KRT34: variants seen among roughly 807,000 people sequenced by gnomAD.
KRT34 encodes the protein keratin 34.
KRT34 carries 31 observed loss-of-function variants against 41.7 expected under a neutral mutation model. That is an observed-to-expected ratio of 0.74 (90% CI 0.56 to 1.00). KRT34 has a LOEUF of 1.00. Ranked by LOEUF, KRT34 falls within the 50% of genes least tolerant of loss-of-function variation. KRT34 has a pLI of 0.00. For missense variants in KRT34, 523 were observed against 500.3 expected, an observed-to-expected ratio of 1.05 and a Z score of -0.43; for synonymous variants, 224 against 212.9, an observed-to-expected ratio of 1.05 and a Z score of -0.45.
At chr17:41,383,313 G>T (rs528351493), upstream of KRT34, among the ~76,000 whole-genome samples, 1 of 152,172 alleles carries the variant, frequency 6.6e-6, no homozygotes, top group Non-Finnish European at 1.5e-5. Context: ...CAATGCGTCC[G>T]GCAGTAAATA....
intron 5 of KRT34, 33 bp downstream of exon 5, chr17:41,379,320 C>T: frequency 6.2e-7 from 1 of 1,612,964 alleles, no homozygotes; most frequent in Non-Finnish European, 8.5e-7. Context: ...CCCAAGTTCC[C>T]ATCGCTCACC....
Position 41,382,003 on chromosome 17 carries a change from C to T in KRT34, c.244G>A (p.Ala82Thr), listed in dbSNP as rs754012680. The change falls in exon 1 of 7, where the codon GCG becomes ACG. Residue 82 changes from alanine (A) to threonine (T), a missense_variant. Transcript: ENST00000394001. ...EKVRQLERDNAELEKLIQERS... is the reference protein window; with the variant it reads ...EKVRQLERDNTELEKLIQERS... ...TCCTGGATGAGTTTCTCCAGCTCCG[C>T]GTTGTCCCGCTCCAGCTGACGCACC... The T allele has an allele frequency of 3.1e-6, 5 of 1,614,260 alleles. No homozygotes were observed. Among genetic ancestry groups the T allele is most frequent in the Non-Finnish European group, 3.4e-6 (4 of 1,180,048 alleles).
Position 41,377,874 on chromosome 17 carries a change from A to G in KRT34, c.*185T>C. On this transcript the variant is annotated 3_prime_UTR_variant, in exon 7 of 7. Transcript: ENST00000394001. ...CTCAACAGGAAGGAGTTGTCCAGACATTGGAAGTTGATGATGTGTGTCTTT... is the reference window on the plus strand; with the variant it reads ...CTCAACAGGAAGGAGTTGTCCAGACGTTGGAAGTTGATGATGTGTGTCTTT... The G allele has an allele frequency of 3.5e-6, 2 of 569,320 alleles. No individual in the cohort carries two copies. Among genetic ancestry groups the G allele is most frequent in the Non-Finnish European group, 6.3e-6 (2 of 316,084 alleles). 35.3% of individuals were successfully genotyped at this position (569,320 alleles called of 1,614,324 possible).
chr17:41,383,713 C>G (rs1469567617), upstream of KRT34, among the ~76,000 whole-genome samples: 3 of 152,184 alleles, frequency 2.0e-5, no homozygotes, highest in Non-Finnish European at 4.4e-5. Context: ...ACTTGTTCCT[C>G]TTTCTAGAGT....
At chr17:41,379,842 C>G in intron 3 of KRT34, 111 bp from the exon 4 acceptor site, 1 of 1,161,158 alleles carries the variant, frequency 8.6e-7, no homozygotes, top group South Asian at 1.6e-5. Context: ...ATATTCTGAT[C>G]ATTCCCAAAG....
chr17:41,378,392 C>T (rs1159659353), intron 6 of KRT34, among the ~76,000 whole-genome samples: 5 of 152,130 alleles, frequency 3.3e-5, no homozygotes, highest in African/African-American at 2.4e-5. Flanking sequence ...CAGGTTCAAG[C>T]GATTCTCCTG....
chr17:41,377,762 A>T lies in KRT34; in HGVS notation c.*297T>A, dbSNP rs1361029095. 2.7e-6 allele frequency: 1 copy of T among 366,532 alleles called. No individual in the cohort carries two copies. The highest frequency in any genetic ancestry group is 2.0e-5 in the African/African-American group (1 of 49,876). The allele number at this position is 366,532 out of a possible 1,614,324, so 22.7% of individuals were successfully genotyped here. A position where few individuals can be genotyped will look rare whatever the true frequency, so the allele number is the denominator to read the frequency against. ...AAGAAAAAAGGAAAACAGGAAATGC[A>T]GTAGTACGTTCAGGAAACACCTTAA... On this transcript the variant is annotated 3_prime_UTR_variant, in exon 7 of 7. Coordinates refer to ENST00000394001, the MANE Select transcript of KRT34 (RefSeq NM_001386014.1).
Position 41,380,580 on chromosome 17 carries a change from T to A in KRT34, c.588+476A>T, listed in dbSNP as rs545416452. On this transcript the variant is annotated intron_variant, in intron 3 of 6. Transcript: ENST00000394001. Reference sequence around the variant, plus strand: ...AAGTACTGGAATCCTCCTCTTTGCATCTGAGAAGAGTTCCCTATCTCCTCT... The same window carrying A: ...AAGTACTGGAATCCTCCTCTTTGCAACTGAGAAGAGTTCCCTATCTCCTCT... Among the ~76,000 whole-genome samples, 72 of 148,820 alleles carry A rather than the reference T, an allele frequency of 4.8e-4. 1 individual carries two copies. The South Asian group carries it at 0.014, about 29-fold the overall frequency.
chr17:41,381,617 G>T, intron 2 of KRT34, 96 bp downstream of exon 2: 1 of 1,083,734 alleles, frequency 9.2e-7, no homozygotes, highest in Non-Finnish European at 1.4e-6. Flanking sequence ...AGCCCTAGGA[G>T]GAGAAATAGA....
intron 6 of KRT34, 137 bp downstream of exon 6, chr17:41,378,819 A>G: frequency 7.2e-6 from 9 of 1,258,664 alleles, no homozygotes; most frequent in Non-Finnish European, 1.0e-5. Flanking sequence ...CCCTTTGCTT[A>G]GCTATCACAG....
intron 3 of KRT34, among the ~76,000 whole-genome samples, chr17:41,380,514 C>T (rs566217365): frequency 6.6e-6 from 1 of 152,340 alleles, no homozygotes; most frequent in East Asian, 1.9e-4. Context: ...CCTGCCACTT[C>T]TGTGTCTTTG....
rs996302379 is a variant in KRT34 at position 41,377,824 on chromosome 17, T to C, written c.*235A>G. The C allele has an allele frequency of 2.0e-6, 1 of 507,780 alleles. No individual in the cohort carries two copies. Among genetic ancestry groups the C allele is most frequent in the East Asian group, 2.9e-5 (1 of 35,038 alleles). The allele number at this position is 507,780 out of a possible 1,614,324, so 31.5% of individuals were successfully genotyped here. A position where few individuals can be genotyped will look rare whatever the true frequency, so the allele number is the denominator to read the frequency against. ...AGCTCAGATTACAGGGAGCTGAACA[T>C]CTTTAGAAACAAACAGGCTCGACCC... is the stretch of plus-strand genomic sequence containing the variant. On this transcript the variant is annotated 3_prime_UTR_variant, in exon 7 of 7. Coordinates refer to ENST00000394001, the MANE Select transcript of KRT34 (RefSeq NM_001386014.1).
In KRT34 at chr17:41,377,763, G is replaced by A. The variant is rs577068972; in HGVS notation, c.*296C>T. 2.7e-6 allele frequency: 1 copy of A among 371,270 alleles called. No individual in the cohort carries two copies. Among genetic ancestry groups the A allele is most frequent in the African/African-American group, 2.0e-5 (1 of 50,270 alleles). The allele number at this position is 371,270 out of a possible 1,614,324, so 23.0% of individuals were successfully genotyped here. On this transcript the variant is annotated 3_prime_UTR_variant, in exon 7 of 7. Coordinates refer to ENST00000394001, the MANE Select transcript of KRT34 (RefSeq NM_001386014.1). ...AGAAAAAAGGAAAACAGGAAATGCA[G>A]TAGTACGTTCAGGAAACACCTTAAG... is the stretch of plus-strand genomic sequence containing the variant.
At chr17:41,383,146 G>A (rs942114722), upstream of KRT34, among the ~76,000 whole-genome samples, 1 of 151,984 alleles carries the variant, frequency 6.6e-6, no homozygotes, top group Non-Finnish European at 1.5e-5. Flanking sequence ...AGCCCCCCGA[G>A]TAGCTGGGAT....
rs745441964 is a variant in KRT34, at chr17:41,382,048, G to A, written c.199C>T (p.Leu67=). The A allele has an allele frequency of 5.0e-6, 8 of 1,613,942 alleles. No homozygotes were observed. Among genetic ancestry groups the A allele is most frequent in the Non-Finnish European group, 5.1e-6 (6 of 1,180,054 alleles). Residue 67 remains leucine, a synonymous_variant, in exon 1 of 7, where the codon CTG becomes TTG. Transcript: ENST00000394001. ...CGCACCTTCTCCAGGTAGCTGGCCA[G>A]GCGGTCGTTCAGGAACTGCATAGTC... is the stretch of plus-strand genomic sequence containing the variant. The part of the protein sequence containing the change: ...KETMQFLNDR[L]ASYLEKVRQL...
At position 41,378,005 on chromosome 17, in the gene KRT34, C is replaced by T; in HGVS notation, c.*54G>A. 1 of 1,335,800 alleles carries T rather than the reference C, an allele frequency of 7.5e-7. No homozygotes were observed. Among genetic ancestry groups the T allele is most frequent in the Non-Finnish European group, 1.1e-6 (1 of 929,824 alleles). 82.7% of individuals were successfully genotyped at this position (1,335,800 alleles called of 1,614,324 possible). On this transcript the variant is annotated 3_prime_UTR_variant, in exon 7 of 7. Coordinates refer to ENST00000394001, the MANE Select transcript of KRT34 (RefSeq NM_001386014.1). ...GAAAAGTCAGGACTTGAGGATCCTTCCTGTGGTTGATCTAAATGGCTTTGT... is the reference window on the plus strand; with the variant it reads ...GAAAAGTCAGGACTTGAGGATCCTTTCTGTGGTTGATCTAAATGGCTTTGT...
At chr17:41,381,267 CAT>C in intron 2 of KRT34, 55 bp from the exon 3 acceptor site, 1 of 1,571,890 alleles carries the variant, frequency 6.4e-7, no homozygotes, top group Non-Finnish European at 8.7e-7. Context: ...CTTCCCCTCT[CAT>C]GTGTTGTTTG....
At position 41,379,186 on chromosome 17, in the gene KRT34, G is replaced by A. The variant is rs764729880; in HGVS notation, c.877-10C>T. ...TTTCCAGAGAGTCTCGCTGTGGTGGGGAAGATCAGGAATGTCAGAGAGCTG... is the reference window on the plus strand; with the variant it reads ...TTTCCAGAGAGTCTCGCTGTGGTGGAGAAGATCAGGAATGTCAGAGAGCTG... On this transcript the variant is annotated splice_polypyrimidine_tract_variant and intron_variant, in intron 5 of 6. Transcript: ENST00000394001. The A allele has an allele frequency of 1.6e-5, 26 of 1,614,010 alleles. No homozygotes were observed. In the Admixed American group the frequency reaches 2.5e-4, roughly 16 times the overall value.
chr17:41,379,231 C>T, intron 5 of KRT34, 55 bp from the exon 6 acceptor site: 1 of 1,610,362 alleles, frequency 6.2e-7, no homozygotes, highest in Non-Finnish European at 8.5e-7. Context: ...AGGGTTTCTT[C>T]ACAGGATTAC....
Sources: allele counts gnomAD v4.1 joint callset (sites outside exome capture counted in the v4.1 genomes callset), GRCh38; gene constraint gnomAD v4.1.1; transcripts MANE v1.5; gene names NCBI Gene and HGNC (gene_info 2026-07-23, HGNC 2026-07-21).